The following TAS2R1 variants were observed in gnomAD, a reference collection of about 807,000 sequenced individuals.
The protein encoded by TAS2R1 is taste 2 receptor member 1, also known as taste receptor type 2 member 1.
For synonymous variants in TAS2R1, 141 were observed against 134.2 expected, an observed-to-expected ratio of 1.05 and a Z score of -0.35; for missense variants, 370 against 353.4, an observed-to-expected ratio of 1.05 and a Z score of -0.38.
chr5:9,881,263 G>A, the TAS2R1 span, among the ~76,000 whole-genome samples: 3 of 151,954 alleles, frequency 2.0e-5, no homozygotes, highest in Admixed American at 6.6e-5. Context: ...TTAATACAAA[G>A]AGAATAAAAT....
chr5:9,869,704 T>C, the TAS2R1 span, among the ~76,000 whole-genome samples: 1 of 152,236 alleles, frequency 6.6e-6, no homozygotes, highest in Admixed American at 6.5e-5. Flanking sequence ...GTGACTCCAC[T>C]GGGACTAGAT....
At chr5:9,800,625 G>A in the TAS2R1 span, among the ~76,000 whole-genome samples, 1 of 152,172 alleles carries the variant, frequency 6.6e-6, no homozygotes, top group Admixed American at 6.5e-5. Flanking sequence ...AAGGGAGGAA[G>A]GGCCAGCTCT....
At chr5:9,630,740 T>C (rs1739857693), upstream of TAS2R1, among the ~76,000 whole-genome samples, 1 of 152,196 alleles carries the variant, frequency 6.6e-6, no homozygotes, top group African/African-American at 2.4e-5. Flanking sequence ...CTGGTCAGCA[T>C]CTGCAGAGTA....
intron 2 of TAS2R1, among the ~76,000 whole-genome samples, chr5:9,645,876 A>G (rs1740176714): frequency 6.6e-6 from 1 of 152,116 alleles, no homozygotes; most frequent in African/African-American, 2.4e-5. Flanking sequence ...CAGCCTCAGA[A>G]CCAGCCCTCA....
chr5:9,753,085 A>G, the TAS2R1 span, among the ~76,000 whole-genome samples: 1 of 152,162 alleles, frequency 6.6e-6, no homozygotes, highest in Non-Finnish European at 1.5e-5. Context: ...GGCTGGGTCA[A>G]ATGGTATTTC....
chr5:9,741,409 A>T, the TAS2R1 span, among the ~76,000 whole-genome samples: 1 of 152,326 alleles, frequency 6.6e-6, no homozygotes, highest in African/African-American at 2.4e-5. Flanking sequence ...AGTGCTTGAC[A>T]GTCACCCACG....
At chr5:9,713,481 C>G (rs998939627), upstream of TAS2R1, among the ~76,000 whole-genome samples, 1 of 152,144 alleles carries the variant, frequency 6.6e-6, no homozygotes, top group Non-Finnish European at 1.5e-5. Flanking sequence ...CCACCCCCCA[C>G]TGCTTTGAAT....
the TAS2R1 span, among the ~76,000 whole-genome samples, chr5:9,749,073 A>T: frequency 6.6e-6 from 1 of 152,078 alleles, no homozygotes; most frequent in Non-Finnish European, 1.5e-5. Context: ...TCCCCCTTCT[A>T]TCCATTTTCC....
chr5:9,880,226 C>T, the TAS2R1 span, among the ~76,000 whole-genome samples: 1 of 152,136 alleles, frequency 6.6e-6, no homozygotes, highest in African/African-American at 2.4e-5. Flanking sequence ...TCTGAGTAAT[C>T]TTCTATTGTT....
chr5:9,725,568 G>C, the TAS2R1 span, among the ~76,000 whole-genome samples: 1 of 152,194 alleles, frequency 6.6e-6, no homozygotes, highest in Non-Finnish European at 1.5e-5. Flanking sequence ...GGCAGGGCTC[G>C]GGACCTGCAG....
chr5:9,706,064 A>G (rs1183654304), intron 1 of TAS2R1, among the ~76,000 whole-genome samples: 2 of 152,194 alleles, frequency 1.3e-5, no homozygotes, highest in African/African-American at 4.8e-5. Flanking sequence ...ATTCTCCAAA[A>G]TAAGTTCTTT....
chr5:9,888,672 T>C, the TAS2R1 span, among the ~76,000 whole-genome samples: 5 of 152,148 alleles, frequency 3.3e-5, no homozygotes, highest in African/African-American at 7.2e-5. Flanking sequence ...ATTAGGAGAA[T>C]AGACATGAAT....
the TAS2R1 span, among the ~76,000 whole-genome samples, chr5:9,837,766 A>C: frequency 6.6e-6 from 1 of 151,994 alleles, no homozygotes; most frequent in African/African-American, 2.4e-5. Flanking sequence ...CAAAACAAAA[A>C]CCCCTGCCTC....
At chr5:9,873,641 T>C in the TAS2R1 span, among the ~76,000 whole-genome samples, 2 of 150,688 alleles carry the variant, frequency 1.3e-5, no homozygotes. Flanking sequence ...CCGAGGCAGG[T>C]GGATTGTCTG....
the TAS2R1 span, among the ~76,000 whole-genome samples, chr5:9,871,233 A>C: frequency 1.1e-4 from 16 of 152,352 alleles, no homozygotes; most frequent in Admixed American, 9.8e-4. Flanking sequence ...GAAAGATCCA[A>C]GTTGAAAGGG....
Position 9,629,560 on chromosome 5 carries a change from T to G in TAS2R1, c.473A>C (p.Lys158Thr). Reference protein sequence around the residue: ...AGFMVPYFLRKFFSQNATIQK... With the variant: ...AGFMVPYFLRTFFSQNATIQK... ...AATTGTGGCATTTTGGGAGAAAAAT[T>G]TCCTTAGGAAGTATGGGACCATAAA... The change falls in exon 1 of 1, where the codon AAA becomes ACA. Residue 158 changes from lysine (K) to threonine (T), a missense_variant. By Grantham distance (78) the Lys-to-Thr change is moderately conservative. Transcript: ENST00000382492. 6.2e-7 allele frequency: 1 copy of G among 1,614,024 alleles called. No homozygotes were observed. The highest frequency in any genetic ancestry group is 8.5e-7 in the Non-Finnish European group (1 of 1,179,982).
intron 1 of TAS2R1, among the ~76,000 whole-genome samples, chr5:9,661,002 T>C (rs1473018153): frequency 6.6e-6 from 1 of 152,210 alleles, no homozygotes; most frequent in African/African-American, 2.4e-5. Context: ...CTTTTTCTCC[T>C]AGAATCTCAA....
At chr5:9,842,857 G>A in the TAS2R1 span, among the ~76,000 whole-genome samples, 3 of 151,952 alleles carry the variant, frequency 2.0e-5, no homozygotes, top group Admixed American at 2.0e-4. Context: ...AATCTCTTCT[G>A]TACTTTTGAT....
the TAS2R1 span, among the ~76,000 whole-genome samples, chr5:9,901,064 T>A: frequency 2.0e-5 from 3 of 152,012 alleles, no homozygotes; most frequent in African/African-American, 4.8e-5. Flanking sequence ...CTTCACTCAC[T>A]CAGTAAATAG....
Sources: allele counts gnomAD v4.1 joint callset (sites outside exome capture counted in the v4.1 genomes callset), GRCh38; gene constraint gnomAD v4.1.1; transcripts MANE v1.5; gene names NCBI Gene and HGNC (gene_info 2026-07-23, HGNC 2026-07-21).